The following NUP188 variants were observed in gnomAD, a reference collection of about 807,000 sequenced individuals.
NUP188 encodes the protein nucleoporin NUP188.
NUP188 carries 97 observed loss-of-function variants against 223.0 expected under a neutral mutation model. The observed-to-expected ratio is 0.43, with a 90% CI of 0.37 to 0.51. NUP188 has a LOEUF of 0.51. NUP188 is among the 20% of genes least tolerant of loss of function. NUP188 has a pLI of 0.00. For missense variants in NUP188, 1,947 were observed against 2,175.6 expected, an observed-to-expected ratio of 0.89 and a Z score of 2.09; for synonymous variants, 869 against 828.0, an observed-to-expected ratio of 1.05 and a Z score of -0.85.
intron 28 of NUP188, 28 bp from the exon 29 acceptor site, chr9:128,994,828 A>G (rs770466185): frequency 1.4e-5 from 23 of 1,589,304 alleles, no homozygotes; most frequent in Non-Finnish European, 1.9e-5. Context: ...CAGAGATGTG[A>G]TAATTGCCTG....
Position 129,006,483 on chromosome 9 carries a change from G to C in NUP188, c.5074-19G>C. ...AGCCAGATGTGCTGAGCCTCACCAA[G>C]CCACTTTTTTTCTTGTAGAGCACGC... On this transcript the variant is annotated intron_variant, in intron 43 of 43. Coordinates refer to ENST00000372577, the MANE Select transcript of NUP188 (RefSeq NM_015354.3). 6.2e-7 allele frequency: 1 copy of C among 1,611,936 alleles called. No individual in the cohort carries two copies. The highest frequency in any genetic ancestry group is 8.5e-7 in the Non-Finnish European group (1 of 1,179,114).
intron 13 of NUP188, among the ~76,000 whole-genome samples, chr9:128,979,860 C>G (rs1228263047): frequency 6.6e-6 from 1 of 152,182 alleles, no homozygotes; most frequent in Non-Finnish European, 1.5e-5. Context: ...TCTCGATCTC[C>G]TGACCTCGTG....
At chr9:128,978,142 G>A (rs935825672) in intron 12 of NUP188, among the ~76,000 whole-genome samples, 8 of 151,954 alleles carry the variant, frequency 5.3e-5, no homozygotes, top group African/African-American at 1.7e-4. Flanking sequence ...AGGCGGAGGC[G>A]AGAAGATCAC....
chr9:128,969,104 C>T (rs1408226865), intron 9 of NUP188, among the ~76,000 whole-genome samples: 4 of 152,054 alleles, frequency 2.6e-5, no homozygotes, highest in Admixed American at 1.3e-4. Flanking sequence ...TATTTATGAC[C>T]GTGGATATAT....
At position 129,006,745 on chromosome 9, in the gene NUP188, C is replaced by T; in HGVS notation, c.*67C>T. On this transcript the variant is annotated 3_prime_UTR_variant, in exon 44 of 44. Coordinates refer to ENST00000372577, the MANE Select transcript of NUP188 (RefSeq NM_015354.3). Reference sequence around the variant, plus strand: ...CACTGCACCCTGGCTGGCAGGGGTGCTGCTGGCTGCTAGGGCCTATACAAT... The same window carrying T: ...CACTGCACCCTGGCTGGCAGGGGTGTTGCTGGCTGCTAGGGCCTATACAAT... 1 of 1,516,330 alleles carries T rather than the reference C, an allele frequency of 6.6e-7. No homozygotes were observed. Among genetic ancestry groups the T allele is most frequent in the Non-Finnish European group, 8.8e-7 (1 of 1,131,228 alleles). 93.9% of individuals were successfully genotyped at this position (1,516,330 alleles called of 1,614,324 possible). A position where few individuals can be genotyped will look rare whatever the true frequency, so the allele number is the denominator to read the frequency against.
At chr9:128,950,378 G>A (rs923918385) in intron 2 of NUP188, among the ~76,000 whole-genome samples, 1 of 151,710 alleles carries the variant, frequency 6.6e-6, no homozygotes, top group Non-Finnish European at 1.5e-5. Flanking sequence ...ATGCCACCAC[G>A]CCCGGCTAAT....
intron 22 of NUP188, among the ~76,000 whole-genome samples, 189 bp downstream of exon 22, chr9:128,987,064 T>TGAGA (rs137999231): frequency 0.043 from 4,745 of 110,566 alleles, 97 homozygotes; most frequent in Admixed American, 0.084. Flanking sequence ...GAAGTAGGAA[T>TGAGA]GAGAGAGAGA....
intron 40 of NUP188, 47 bp from the exon 41 acceptor site, chr9:129,005,598 C>T (rs757767360): frequency 4.3e-6 from 7 of 1,611,238 alleles, no homozygotes; most frequent in Non-Finnish European, 1.7e-6. Flanking sequence ...CCGAGAGCTA[C>T]CTGGGGCCTT....
chr9:128,985,208 G>T (rs545793091), intron 20 of NUP188, 194 bp downstream of exon 20: 1 of 486,142 alleles, frequency 2.1e-6, no homozygotes, highest in South Asian at 3.6e-5. Context: ...ACTCTATTAG[G>T]TGCTTAATTA....
At chr9:128,963,609 T>A (rs1404326814) in intron 8 of NUP188, among the ~76,000 whole-genome samples, 1 of 152,204 alleles carries the variant, frequency 6.6e-6, no homozygotes, top group Non-Finnish European at 1.5e-5. Context: ...TTTGACATTG[T>A]CACCAACACT....
intron 34 of NUP188, among the ~76,000 whole-genome samples, chr9:129,001,173 G>T (rs1198178166): frequency 6.6e-6 from 1 of 152,104 alleles, no homozygotes; most frequent in Non-Finnish European, 1.5e-5. Flanking sequence ...GTGGCATCGG[G>T]CAGGGTCGTA....
At chr9:128,981,675 C>T (rs1404580366) in intron 15 of NUP188, among the ~76,000 whole-genome samples, 1 of 152,192 alleles carries the variant, frequency 6.6e-6, no homozygotes, top group African/African-American at 2.4e-5. Context: ...TCACCACTGA[C>T]TTCTCCAGTC....
intron 28 of NUP188, 130 bp downstream of exon 28, chr9:128,994,572 G>A (rs997180513): frequency 5.8e-5 from 43 of 745,530 alleles, no homozygotes; most frequent in East Asian, 4.7e-4. Flanking sequence ...CACTAGAAAC[G>A]TCTTTCTCAG....
At chr9:129,004,243 A>C (rs1300983746) in intron 38 of NUP188, among the ~76,000 whole-genome samples, 1 of 149,180 alleles carries the variant, frequency 6.7e-6, no homozygotes, top group Non-Finnish European at 1.5e-5. Flanking sequence ...AGGTCACGCC[A>C]CTGCACTCCA....
At chr9:129,003,028 T>C (rs1049006297) in intron 37 of NUP188, 53 bp downstream of exon 37, 3 of 1,590,654 alleles carry the variant, frequency 1.9e-6, no homozygotes, top group African/African-American at 1.3e-5. Context: ...AAAAAGGTAC[T>C]GGGCCATTCA....
At chr9:129,005,803 C>T in intron 41 of NUP188, 27 bp downstream of exon 41, 1 of 1,566,738 alleles carries the variant, frequency 6.4e-7, no homozygotes, top group African/African-American at 1.4e-5. Flanking sequence ...AGACACTGTC[C>T]TCTCCCCCCG....
Position 129,005,151 on chromosome 9 carries a change from A to C in NUP188, c.4439A>C (p.Asn1480Thr). 1 of 1,613,842 alleles carries C rather than the reference A, an allele frequency of 6.2e-7. No individual in the cohort carries two copies. Among genetic ancestry groups the C allele is most frequent in the Non-Finnish European group, 8.5e-7 (1 of 1,179,732 alleles). ...LPQLMRDIQV[N>T]LGYLCQACTS... Reference sequence around the variant, plus strand: ...TCTCTCCTGTGTCTCTCCCAGGTCAACCTGGGTTACTTGTGCCAGGCATGT... The same window carrying C: ...TCTCTCCTGTGTCTCTCCCAGGTCACCCTGGGTTACTTGTGCCAGGCATGT... The change falls in exon 39 of 44, where the codon AAC (asparagine) becomes ACC (threonine). Residue 1480 changes from asparagine to threonine, a missense_variant. Coordinates refer to ENST00000372577, the MANE Select transcript of NUP188 (RefSeq NM_015354.3).
chr9:128,965,139 G>A (rs1842009931), intron 8 of NUP188, among the ~76,000 whole-genome samples: 1 of 152,022 alleles, frequency 6.6e-6, no homozygotes, highest in African/African-American at 2.4e-5. Flanking sequence ...TTGTGGGAAG[G>A]TTTTTAATTC....
rs17507957 is a variant in NUP188, at chr9:128,967,785, C to T, written c.586-721C>T. Among the ~76,000 whole-genome samples, 573 of 147,844 alleles carry T rather than the reference C, an allele frequency of 3.9e-3. 1 individual carries two copies. Among genetic ancestry groups the T allele is most frequent in the African/African-American group, 0.013 (501 of 39,594 alleles). ...AGCCTGGGGGATAAGAGTGAGACTT[C>T]GTCTCAAAAAAAAAAAAAAATTAAA... is the stretch of plus-strand genomic sequence containing the variant. On this transcript the variant is annotated intron_variant, in intron 8 of 43. Coordinates refer to ENST00000372577, the MANE Select transcript of NUP188 (RefSeq NM_015354.3).
Sources: allele counts gnomAD v4.1 joint callset (sites outside exome capture counted in the v4.1 genomes callset), GRCh38; gene constraint gnomAD v4.1.1; transcripts MANE v1.5; gene names NCBI Gene and HGNC (gene_info 2026-07-23, HGNC 2026-07-21).